The following AGAP1 variants were observed in gnomAD, a reference collection of about 807,000 sequenced individuals.
AGAP1 encodes arf-GAP with GTPase, ANK repeat and PH domain-containing protein 1.
In AGAP1, 29 loss-of-function variants were observed where a neutral mutation model predicts 105.3. That is an observed-to-expected ratio of 0.28 (90% CI 0.21 to 0.38). The LOEUF (loss-of-function observed/expected upper bound fraction) is 0.38. AGAP1 is among the 10% of genes least tolerant of loss of function. The pLI, the probability that AGAP1 is intolerant of heterozygous loss-of-function variation, is 1.00. For missense variants in AGAP1, 998 were observed against 1,165.1 expected (o/e 0.86, Z 2.09); for synonymous variants, 509 against 485.9 (o/e 1.05, Z -0.63).
intron 9 of AGAP1, among the ~76,000 whole-genome samples, chr2:235,827,860 G>C (rs1416420595): frequency 1.3e-5 from 2 of 152,236 alleles, no homozygotes; most frequent in Non-Finnish European, 2.9e-5. Context: ...TGCGCCTGCT[G>C]GGATGTTGCT....
chr2:235,820,183 A>G (rs1342762314), intron 9 of AGAP1, among the ~76,000 whole-genome samples: 1 of 152,202 alleles, frequency 6.6e-6, no homozygotes, highest in Non-Finnish European at 1.5e-5. Flanking sequence ...TACAGCCACC[A>G]TGCGTGGCTA....
rs1948067807 is a variant in AGAP1, at chr2:235,664,578, T to G, written c.164-44601T>G. On this transcript the variant is annotated intron_variant, in intron 1 of 17. Transcript: ENST00000304032. This position sits in a 1 kb window ranked among gnomAD's most constrained non-coding sequence, Gnocchi z 5.7. ...TAGCAAGAAAAACTACCAAGAAATA[T>G]CTAATATTTTCCTTTTGTTTGGGAA... Among the ~76,000 whole-genome samples the G allele has an allele frequency of 6.6e-6, 1 of 152,114 alleles. No homozygotes were observed. Among genetic ancestry groups the G allele is most frequent in the Non-Finnish European group, 1.5e-5 (1 of 68,020 alleles).
intron 1 of AGAP1, among the ~76,000 whole-genome samples, chr2:235,573,478 T>C (rs1574878156): frequency 6.6e-6 from 1 of 152,186 alleles, no homozygotes; most frequent in African/African-American, 2.4e-5. Flanking sequence ...TCAACTTAAT[T>C]TTCATAGGAA....
intron 13 of AGAP1, among the ~76,000 whole-genome samples, chr2:236,007,346 G>A (rs1267000668): frequency 1.3e-5 from 2 of 152,196 alleles, no homozygotes; most frequent in Non-Finnish European, 2.9e-5. Flanking sequence ...GAGCATGATT[G>A]ACTGGATAAC....
At chr2:235,972,759 G>A (rs6744942) in intron 13 of AGAP1, among the ~76,000 whole-genome samples, 10,361 of 152,194 alleles carry the variant, frequency 0.068, 1,144 homozygotes, top group African/African-American at 0.24. Context: ...TAGAGTGTTC[G>A]TGCCTTTCAC....
chr2:236,068,146 C>T (rs1236811784), intron 16 of AGAP1, among the ~76,000 whole-genome samples: 1 of 152,138 alleles, frequency 6.6e-6, no homozygotes, highest in African/African-American at 2.4e-5. Context: ...GTGGCATGTG[C>T]CTGTAATCCC....
At position 235,739,780 on chromosome 2, in the gene AGAP1, A is replaced by T. The variant is rs968907199; in HGVS notation, c.311-1183A>T. ...GGGCCTCGGACACTTTCAGGCTGGG[A>T]TGGGGACTCTGATTTTTTGCTTCTC... On this transcript the variant is annotated intron_variant, in intron 3 of 17. Transcript: ENST00000304032. The surrounding 1 kb of genome is among the most constrained non-coding windows in gnomAD (Gnocchi z 5.3). Among the ~76,000 whole-genome samples, 1 of 152,060 alleles carries T rather than the reference A, an allele frequency of 6.6e-6. No individual in the cohort carries two copies. Among genetic ancestry groups the T allele is most frequent in the Non-Finnish European group, 1.5e-5 (1 of 68,022 alleles).
At chr2:235,915,986 T>C (rs1444613709) in intron 11 of AGAP1, among the ~76,000 whole-genome samples, 1 of 152,188 alleles carries the variant, frequency 6.6e-6, no homozygotes, top group Non-Finnish European at 1.5e-5. Context: ...GCAACATGCA[T>C]TCTTAAATAT....
At chr2:236,033,314 T>C (rs911540680) in intron 13 of AGAP1, among the ~76,000 whole-genome samples, 2 of 152,148 alleles carry the variant, frequency 1.3e-5, no homozygotes, top group Non-Finnish European at 2.9e-5. Context: ...ATTTAGAAAT[T>C]AGCTCGAAAT....
At chr2:235,743,566 C>G (rs1952714699) in intron 4 of AGAP1, among the ~76,000 whole-genome samples, 1 of 152,142 alleles carries the variant, frequency 6.6e-6, no homozygotes, top group Non-Finnish European at 1.5e-5. Context: ...TTCAAGTCCT[C>G]ATTCTCATTT....
intron 1 of AGAP1, among the ~76,000 whole-genome samples, chr2:235,573,411 G>T (rs1003883151): frequency 1.3e-5 from 2 of 151,988 alleles, no homozygotes; most frequent in African/African-American, 2.4e-5. Context: ...TTACCCACAC[G>T]TACTTACATT....
Position 235,720,529 on chromosome 2 carries a change from C to T in AGAP1, c.310+2885C>T, listed in dbSNP as rs1157938158. ...ATTTTGAGTGAGCTCTGTGGCCTTC[C>T]CATTTCTTGGTGTACTGCTGCCTTC... On this transcript the variant is annotated intron_variant, in intron 3 of 17. Transcript: ENST00000304032. The surrounding 1 kb of genome is among the most constrained non-coding windows in gnomAD (Gnocchi z 5.0). 5.8e-6 allele frequency: 2 copies of T among 346,198 alleles called. No individual in the cohort carries two copies. The highest frequency in any genetic ancestry group is 6.5e-5 in the Admixed American group (1 of 15,490). 21.4% of individuals were successfully genotyped at this position (346,198 alleles called of 1,614,324 possible). A position where few individuals can be genotyped will look rare whatever the true frequency, so the allele number is the denominator to read the frequency against.
In AGAP1 at chr2:235,650,330, C is replaced by T. The variant is rs936406252; in HGVS notation, c.164-58849C>T. ...TGAGCCGAGATTGTGCCACTGCACT[C>T]CAGCCTGGGTCACAGAGTGAGTTCT... is the stretch of plus-strand genomic sequence containing the variant. On this transcript the variant is annotated intron_variant, in intron 1 of 17. Transcript: ENST00000304032. Among the ~76,000 whole-genome samples, 5 of 152,308 alleles carry T rather than the reference C, an allele frequency of 3.3e-5. No individual in the cohort carries two copies. The South Asian group carries it at 6.2e-4, about 19-fold the overall frequency.
intron 10 of AGAP1, among the ~76,000 whole-genome samples, chr2:235,907,968 C>T (rs1559633179): frequency 6.6e-6 from 1 of 151,962 alleles, no homozygotes; most frequent in South Asian, 2.1e-4. Context: ...ATAATAATAA[C>T]AATAATAATA....
intron 16 of AGAP1, among the ~76,000 whole-genome samples, chr2:236,079,401 G>T (rs1450661024): frequency 6.7e-6 from 1 of 148,472 alleles, no homozygotes; most frequent in Non-Finnish European, 1.5e-5. Context: ...AGGCATGGTG[G>T]CATGTGCCTG....
intron 1 of AGAP1, among the ~76,000 whole-genome samples, chr2:235,708,024 T>C (rs1004760064): frequency 1.3e-5 from 2 of 152,222 alleles, no homozygotes; most frequent in Non-Finnish European, 2.9e-5. Context: ...AGATGCTGGT[T>C]TTGCCCTCCT....
At chr2:236,039,097 A>G (rs939589007) in intron 14 of AGAP1, among the ~76,000 whole-genome samples, 3 of 152,158 alleles carry the variant, frequency 2.0e-5, no homozygotes, top group African/African-American at 7.2e-5. Context: ...GAAATTGATC[A>G]ATTTTTGCTT....
At chr2:236,065,738 T>A (rs1196798130) in intron 16 of AGAP1, among the ~76,000 whole-genome samples, 2 of 152,260 alleles carry the variant, frequency 1.3e-5, no homozygotes, top group Admixed American at 6.5e-5. Flanking sequence ...AGCTGCCTCC[T>A]GCTGGGTTGT....
rs1334517808 is a variant in AGAP1, at chr2:236,101,962, A to G, written c.2115-18230A>G. ...CAAACATACTCACACACAGTTTCCA[A>G]ATGAAGTCACAAACTTCCCTTATAA... is the stretch of plus-strand genomic sequence containing the variant. On this transcript the variant is annotated intron_variant, in intron 16 of 17. Transcript: ENST00000304032. This position sits in a 1 kb window ranked among gnomAD's most constrained non-coding sequence, Gnocchi z 4.9. Among the ~76,000 whole-genome samples, 2 of 152,202 alleles carry G rather than the reference A, an allele frequency of 1.3e-5. No individual in the cohort carries two copies. Among genetic ancestry groups the G allele is most frequent in the African/African-American group, 4.8e-5 (2 of 41,452 alleles).
Sources: gnomAD v4.1 joint callset for allele counts (sites outside exome capture counted in the v4.1 genomes callset) on GRCh38, gnomAD v4.1.1 for gene constraint, Gnocchi (gnomAD v3.1) non-coding constraint, MANE v1.5 for transcripts, NCBI Gene and HGNC (gene_info 2026-07-23, HGNC 2026-07-21) for gene names.